The following CFAP299 variants were observed in gnomAD, a reference collection of about 807,000 sequenced individuals.
CFAP299 encodes cilia- and flagella-associated protein 299.
CFAP299 carries 21 observed loss-of-function variants against 27.0 expected under a neutral mutation model. The ratio of observed to expected loss-of-function variants is 0.78; its 90% CI spans 0.55 to 1.12. The LOEUF (loss-of-function observed/expected upper bound fraction) is 1.12, where lower values mean the gene tolerates loss of function less well. Ranked by LOEUF, CFAP299 falls within the 50% of genes most tolerant of loss-of-function variation. The pLI, the probability that CFAP299 is intolerant of heterozygous loss-of-function variation, is 0.00. For missense variants in CFAP299, 310 were observed against 276.6 expected (o/e 1.12, Z -0.86); for synonymous variants, 104 against 98.1 (o/e 1.06, Z -0.36).
chr4:80,479,382 G>T (rs976610868), intron 2 of CFAP299, among the ~76,000 whole-genome samples: 1 of 151,916 alleles, frequency 6.6e-6, no homozygotes, highest in African/African-American at 2.4e-5. Context: ...TCTCCTTGAG[G>T]TTTATAGCTT....
At chr4:80,552,261 C>T (rs1311022912) in intron 2 of CFAP299, among the ~76,000 whole-genome samples, 1 of 152,116 alleles carries the variant, frequency 6.6e-6, no homozygotes, top group East Asian at 1.9e-4. Context: ...TAGTACTAAT[C>T]AACTGAAGTT....
At chr4:80,927,552 G>T (rs1192337558) in intron 4 of CFAP299, among the ~76,000 whole-genome samples, 2 of 151,994 alleles carry the variant, frequency 1.3e-5, no homozygotes, top group African/African-American at 4.8e-5. Context: ...CTCAGTTCAG[G>T]GTCTCACAAG....
rs572785017 is a variant in CFAP299, at chr4:80,607,633, A to G, written c.333+24450A>G. 2.0e-4 allele frequency among the ~76,000 whole-genome samples: 31 copies of G among 152,330 alleles called. 1 individual carries two copies. The South Asian group carries it at 6.0e-3, about 30-fold the overall frequency. ...AGATATAAGAATTCAACATTTTCCTACTTCAGAAACCAGAGAAACATTGTG... is the reference window on the plus strand; with the variant it reads ...AGATATAAGAATTCAACATTTTCCTGCTTCAGAAACCAGAGAAACATTGTG... On this transcript the variant is annotated intron_variant, in intron 3 of 5. Coordinates refer to ENST00000358105, the MANE Select transcript of CFAP299 (RefSeq NM_152770.3).
At chr4:80,886,373 G>A (rs1733973212) in intron 4 of CFAP299, among the ~76,000 whole-genome samples, 1 of 152,170 alleles carries the variant, frequency 6.6e-6, no homozygotes, top group South Asian at 2.1e-4. Context: ...GGCCACAGAG[G>A]TGCTTGCATC....
intron 3 of CFAP299, among the ~76,000 whole-genome samples, chr4:80,660,717 G>C (rs966371792): frequency 6.6e-6 from 1 of 152,100 alleles, no homozygotes; most frequent in Admixed American, 6.6e-5. Flanking sequence ...GCAACAGGAG[G>C]CTTCAGAAAT....
chr4:80,616,439 A>G (rs1738283548), intron 3 of CFAP299, among the ~76,000 whole-genome samples: 1 of 151,928 alleles, frequency 6.6e-6, no homozygotes, highest in South Asian at 2.1e-4. Context: ...ATAAATATGC[A>G]TATATACATA....
At chr4:80,956,352 T>C (rs1268300018) in intron 5 of CFAP299, among the ~76,000 whole-genome samples, 1 of 152,208 alleles carries the variant, frequency 6.6e-6, no homozygotes, top group Non-Finnish European at 1.5e-5. Flanking sequence ...CCAGATCTGT[T>C]TGGAGTCATT....
At chr4:80,883,872 A>G (rs559421035) in intron 4 of CFAP299, among the ~76,000 whole-genome samples, 1 of 152,058 alleles carries the variant, frequency 6.6e-6, no homozygotes, top group Non-Finnish European at 1.5e-5. Context: ...GTTTGTTTTT[A>G]CTTTTATTTT....
chr4:80,784,898 G>GT (rs1018204801), intron 3 of CFAP299, among the ~76,000 whole-genome samples: 2 of 151,920 alleles, frequency 1.3e-5, no homozygotes, highest in African/African-American at 2.4e-5. Context: ...CAGGTTATTT[G>GT]TTTTTTTCCT....
At chr4:80,899,800 C>A (rs1269254367) in intron 4 of CFAP299, among the ~76,000 whole-genome samples, 1 of 152,202 alleles carries the variant, frequency 6.6e-6, no homozygotes, top group Admixed American at 6.6e-5. Flanking sequence ...GGCTTACTCT[C>A]TCTGCCTCAT....
intron 3 of CFAP299, among the ~76,000 whole-genome samples, chr4:80,623,734 C>T (rs990644434): frequency 6.6e-6 from 1 of 152,166 alleles, no homozygotes; most frequent in Admixed American, 6.5e-5. Context: ...GACCCCAATA[C>T]TGACACCAAC....
chr4:80,869,449 T>A (rs1257471631), intron 3 of CFAP299, among the ~76,000 whole-genome samples: 1 of 152,218 alleles, frequency 6.6e-6, no homozygotes, highest in Admixed American at 6.5e-5. Flanking sequence ...TAATAACAAC[T>A]AATTGTTAAT....
At chr4:80,441,804 G>A (rs894645821) in intron 2 of CFAP299, among the ~76,000 whole-genome samples, 6 of 152,124 alleles carry the variant, frequency 3.9e-5, no homozygotes, top group African/African-American at 1.4e-4. Context: ...CTTGTATTCA[G>A]GAGAACCTAC....
intron 2 of CFAP299, among the ~76,000 whole-genome samples, chr4:80,398,482 C>G (rs1434717884): frequency 6.6e-6 from 1 of 152,080 alleles, no homozygotes; most frequent in Non-Finnish European, 1.5e-5. Context: ...GTACTGGTAC[C>G]AAAACAGATA....
At chr4:80,862,959 G>C (rs1277264734) in intron 3 of CFAP299, among the ~76,000 whole-genome samples, 1 of 152,100 alleles carries the variant, frequency 6.6e-6, no homozygotes, top group African/African-American at 2.4e-5. Flanking sequence ...GAGAACTTAG[G>C]CTACATTTGC....
chr4:80,387,101 G>A (rs564543250), intron 2 of CFAP299: 44 of 1,443,696 alleles, frequency 3.0e-5, no homozygotes, highest in Non-Finnish European at 3.9e-5. Context: ...GATGCTCCAG[G>A]GCCTCTGGGG....
At chr4:80,634,312 GGC>G (rs1184106709) in intron 3 of CFAP299, among the ~76,000 whole-genome samples, 1 of 152,158 alleles carries the variant, frequency 6.6e-6, no homozygotes, top group East Asian at 1.9e-4. Flanking sequence ...ACAGCATGGT[GGC>G]TAAGAATGTA....
chr4:80,541,190 T>TA (rs1258316232), intron 2 of CFAP299, among the ~76,000 whole-genome samples: 2 of 152,162 alleles, frequency 1.3e-5, no homozygotes, highest in Non-Finnish European at 2.9e-5. Flanking sequence ...CTGTGAGAAA[T>TA]ACCATACGTA....
rs1741316478 is a variant in CFAP299, at chr4:80,669,145, C to CT, written c.333+85965dup. ...TTTTCTTTTCTGTCTTTCTTTCTTT[C>CT]TTTCTTTTTTTTTTTTTTTTTTTTT... On this transcript the variant is annotated intron_variant, in intron 3 of 5. Coordinates refer to ENST00000358105, the MANE Select transcript of CFAP299 (RefSeq NM_152770.3). Among the ~76,000 whole-genome samples, 58 of 16,422 alleles carry CT rather than the reference C, an allele frequency of 3.5e-3. 1 individual carries two copies. Among genetic ancestry groups the CT allele is most frequent in the East Asian group, 0.015 (4 of 274 alleles). The allele number at this position is 16,422 out of a possible 152,430, so 10.8% of individuals were successfully genotyped here.
Sources: allele counts gnomAD v4.1 joint callset (sites outside exome capture counted in the v4.1 genomes callset), GRCh38; gene constraint gnomAD v4.1.1; transcripts MANE v1.5; gene names NCBI Gene and HGNC (gene_info 2026-07-23, HGNC 2026-07-21).